Variants in FN1 observed in about 807,000 individuals in gnomAD.
FN1 encodes fibronectin.
A neutral mutation model predicts 297.3 loss-of-function variants in FN1; 106 were observed. The ratio of observed to expected loss-of-function variants is 0.36; its 90% CI spans 0.30 to 0.42. FN1 has a LOEUF of 0.42. FN1 is among the 10% of genes least tolerant of loss of function. The pLI, the probability that FN1 is intolerant of heterozygous loss-of-function variation, is 1.00. For synonymous variants in FN1, 1,149 were observed against 1,152.6 expected, an observed-to-expected ratio of 1.00 and a Z score of 0.06; for missense variants, 2,690 against 3,124.9, an observed-to-expected ratio of 0.86 and a Z score of 3.32.
At chr2:215,426,555 C>G (rs7598545) in intron 6 of FN1, among the ~76,000 whole-genome samples, 1 of 152,192 alleles carries the variant, frequency 6.6e-6, no homozygotes, top group Admixed American at 6.5e-5. Flanking sequence ...TTCAGTGCCT[C>G]CCTAAGTGCT....
intron 6 of FN1, among the ~76,000 whole-genome samples, chr2:215,425,743 G>A (rs1327975882): frequency 6.6e-6 from 1 of 151,940 alleles, no homozygotes; most frequent in Non-Finnish European, 1.5e-5. Context: ...TTTTAGTAGA[G>A]ACGGGGTTTT....
At chr2:215,422,034 G>A (rs924788883) in intron 10 of FN1, 57 bp downstream of exon 10, 1 of 1,547,888 alleles carries the variant, frequency 6.5e-7, no homozygotes, top group African/African-American at 1.4e-5. Flanking sequence ...ATAAAAAAAA[G>A]TGTCCCTTTC....
Position 215,384,071 on chromosome 2 carries a change from G to A in FN1, c.4843C>T (p.Arg1615Cys), listed in dbSNP as rs903709673. Residue 1615 changes from arginine (R) to cysteine (C), a missense_variant, in exon 30 of 46, where the codon CGT becomes TGT. Around this residue, in one of 3 missense-constraint regions of FN1, gnomAD observed 1,743 missense variants for 1,945.2 expected, o/e 0.90. Transcript: ENST00000354785. ...TTGCTGCTTGCGGGGCTGTCTCCAC[G>A]GCCAGTGACAGCATACACAGTGATG... is the stretch of plus-strand genomic sequence containing the variant. ...YTITVYAVTG[R>C]GDSPASSKPI... The A allele has an allele frequency of 1.9e-6, 3 of 1,614,062 alleles. No individual in the cohort carries two copies. Among genetic ancestry groups the A allele is most frequent in the Non-Finnish European group, 2.5e-6 (3 of 1,179,986 alleles).
chr2:215,424,197 T>A lies in FN1; in HGVS notation c.1165A>T (p.Thr389Ser). Residue 389 changes from threonine (T) to serine (S), a missense_variant, in exon 8 of 46, where the codon ACT (threonine) becomes TCT (serine). This residue lies in a region of FN1 where 876 missense variants were observed against 1,058.1 expected (regional missense o/e 0.83). Coordinates refer to ENST00000354785, the MANE Select transcript of FN1 (RefSeq NM_212482.4). Reference sequence around the variant, plus strand: ...TTCTGGTCCTGCTCATAATTCGAAGTTGTGCTGCACCAAAGATGTCCGTCC... The same window carrying A: ...TTCTGGTCCTGCTCATAATTCGAAGATGTGCTGCACCAAAGATGTCCGTCC... The part of the protein sequence containing the change: ...RQDGHLWCST[T>S]SNYEQDQKYS... 6.2e-7 allele frequency: 1 copy of A among 1,614,196 alleles called. No individual in the cohort carries two copies. Among genetic ancestry groups the A allele is most frequent in the East Asian group, 2.2e-5 (1 of 44,884 alleles).
chr2:215,428,366 C>A, intron 5 of FN1, 28 bp from the exon 6 acceptor site: 1 of 1,611,030 alleles, frequency 6.2e-7, no homozygotes, highest in African/African-American at 1.3e-5. Flanking sequence ...CACATACATA[C>A]ATCAGGTCGA....
chr2:215,404,753 C>T, intron 19 of FN1, 98 bp from the exon 20 acceptor site: 4 of 1,160,740 alleles, frequency 3.4e-6, no homozygotes, highest in Non-Finnish European at 5.2e-6. Flanking sequence ...TTTCTCTCCT[C>T]AAGGTTGTAA....
rs1463693722 is a variant in FN1, at chr2:215,406,468, G to A, written c.2756C>T (p.Thr919Ile). ...CCACATGATGGTGACCTTCACGTCT[G>A]TCACTTCCACAAACTGCAGGTCCCT... is the stretch of plus-strand genomic sequence containing the variant. ...SPRDLQFVEVTDVKVTIMWTP... is the reference protein window; with the variant it reads ...SPRDLQFVEVIDVKVTIMWTP... Residue 919 changes from threonine to isoleucine, a missense_variant, in exon 19 of 46, where the codon ACA becomes ATA. Thr to Ile is a moderately conservative substitution (Grantham distance 89). Transcript: ENST00000354785. 3.1e-6 allele frequency: 5 copies of A among 1,614,092 alleles called. No homozygotes were observed. In the East Asian group the frequency reaches 8.9e-5, roughly 29 times the overall value.
intron 27 of FN1, 39 bp from the exon 28 acceptor site, chr2:215,386,997 GAA>G (rs775744355): frequency 1.7e-5 from 26 of 1,555,194 alleles, no homozygotes; most frequent in Middle Eastern, 2.2e-4. Context: ...AAAAAAAAAA[GAA>G]AAGACACCAC....
chr2:215,405,421 GTTTC>G (rs1480987198), intron 19 of FN1, among the ~76,000 whole-genome samples: 8 of 152,172 alleles, frequency 5.3e-5, no homozygotes, highest in African/African-American at 1.9e-4. Flanking sequence ...TAAAGCCTCA[GTTTC>G]TTTAAGTATT....
chr2:215,384,651 C>T (rs1372523159), intron 29 of FN1: 1 of 515,158 alleles, frequency 1.9e-6, no homozygotes, highest in Non-Finnish European at 3.5e-6. Context: ...GCCGTTCCCC[C>T]TCTAGTTGTA....
chr2:215,434,849 T>TACA (rs34196672), intron 1 of FN1, 25 bp from the exon 2 acceptor site: 1 of 1,492,330 alleles, frequency 6.7e-7, no homozygotes, highest in East Asian at 2.5e-5. Flanking sequence ...AGGAAAACGT[T>TACA]ACATTTGCAT....
intron 13 of FN1, among the ~76,000 whole-genome samples, chr2:215,411,186 C>T (rs541621191): frequency 2.6e-4 from 40 of 152,248 alleles, no homozygotes; most frequent in Admixed American, 1.3e-3. Context: ...ACATCCTGTT[C>T]AGCTTCATTA....
intron 31 of FN1, among the ~76,000 whole-genome samples, 178 bp downstream of exon 31, chr2:215,383,150 A>G (rs1159606879): frequency 1.3e-5 from 2 of 152,020 alleles, no homozygotes; most frequent in Non-Finnish European, 2.9e-5. Flanking sequence ...GATTACAGGC[A>G]CAAGCCACCA....
chr2:215,388,415 A>C (rs984743706), intron 26 of FN1, 114 bp from the exon 27 acceptor site: 7 of 771,122 alleles, frequency 9.1e-6, no homozygotes, highest in Non-Finnish European at 1.6e-5. Context: ...CCTATAGCCT[A>C]CTTACACCTA....
At chr2:215,380,573 T>G (rs991130925) in intron 33 of FN1, 1 of 571,174 alleles carries the variant, frequency 1.8e-6, no homozygotes, top group African/African-American at 1.9e-5. Flanking sequence ...TTCAAATGTC[T>G]TGCTTTATGG....
intron 9 of FN1, among the ~76,000 whole-genome samples, 157 bp downstream of exon 9, chr2:215,423,193 C>T (rs1452023729): frequency 6.6e-6 from 1 of 151,872 alleles, no homozygotes; most frequent in Non-Finnish European, 1.5e-5. Context: ...CACACACACA[C>T]ACACACACAC....
At chr2:215,406,532 GTCAT>G in intron 18 of FN1, 22 bp from the exon 19 acceptor site, 3 of 1,612,064 alleles carry the variant, frequency 1.9e-6, no homozygotes, top group Non-Finnish European at 2.5e-6. Flanking sequence ...GAGTCAACTG[GTCAT>G]TCACATTCTC....
chr2:215,370,438 A>G lies in FN1; in HGVS notation c.6715-6T>C. 3 of 1,613,268 alleles carry G rather than the reference A, an allele frequency of 1.9e-6. No individual in the cohort carries two copies. Among genetic ancestry groups the G allele is most frequent in the Non-Finnish European group, 2.5e-6 (3 of 1,179,524 alleles). On this transcript the variant is annotated splice_region_variant and splice_polypyrimidine_tract_variant and intron_variant, in intron 40 of 45. Coordinates refer to ENST00000354785, the MANE Select transcript of FN1 (RefSeq NM_212482.4). ...GAAGTTCCAGGAACCCTGAACTGCA[A>G]TTATCGGTACATCCAAAGCAGAGAG... is the stretch of plus-strand genomic sequence containing the variant.
chr2:215,419,526 T>C, intron 11 of FN1, 141 bp from the exon 12 acceptor site: 1 of 762,568 alleles, frequency 1.3e-6, no homozygotes, highest in Non-Finnish European at 2.3e-6. Context: ...AAAAATATTT[T>C]GTTCACATTC....
Sources: gnomAD v4.1 joint callset for allele counts (sites outside exome capture counted in the v4.1 genomes callset) on GRCh38, gnomAD v4.1.1 for gene constraint, gnomAD v4.1.1 regional missense constraint, MANE v1.5 for transcripts, NCBI Gene and HGNC (gene_info 2026-07-23, HGNC 2026-07-21) for gene names.